Variants in LRP1B observed in about 807,000 individuals in gnomAD.
LRP1B encodes low-density lipoprotein receptor-related protein 1B.
In LRP1B, 217 loss-of-function variants were observed where a neutral mutation model predicts 556.6. The ratio of observed to expected loss-of-function variants is 0.39; its 90% CI spans 0.35 to 0.44. The LOEUF (loss-of-function observed/expected upper bound fraction) is 0.44. LRP1B is among the 20% of genes least tolerant of loss of function. The pLI is 1.00. For missense variants in LRP1B, 5,053 were observed against 5,620.8 expected (o/e 0.90, Z 3.23); for synonymous variants, 2,047 against 1,865.8 (o/e 1.10, Z -2.50).
intron 1 of LRP1B, among the ~76,000 whole-genome samples, chr2:141,837,598 T>C (rs1697329668): frequency 6.6e-6 from 1 of 152,076 alleles, no homozygotes; most frequent in Non-Finnish European, 1.5e-5. Flanking sequence ...TTTGTAGTCA[T>C]AAACTGAATA....
chr2:140,928,560 C>A (rs1246931587), intron 20 of LRP1B, among the ~76,000 whole-genome samples: 1 of 152,088 alleles, frequency 6.6e-6, no homozygotes, highest in African/African-American at 2.4e-5. Context: ...TTTCTGATCA[C>A]AATTCATTGA....
At chr2:140,290,497 T>C (rs982553659) in intron 84 of LRP1B, among the ~76,000 whole-genome samples, 11 of 152,078 alleles carry the variant, frequency 7.2e-5, no homozygotes, top group Non-Finnish European at 1.5e-4. Context: ...GTGTGAATGT[T>C]GTAAAGAATC....
intron 8 of LRP1B, 28 bp downstream of exon 8, chr2:141,062,023 G>A (rs1558833835): frequency 6.4e-7 from 1 of 1,569,506 alleles, no homozygotes; most frequent in South Asian, 1.1e-5. Context: ...ATTACCCTAG[G>A]AGCGTTGTCT....
At chr2:141,546,880 A>G (rs1002984763) in intron 2 of LRP1B, among the ~76,000 whole-genome samples, 7 of 152,028 alleles carry the variant, frequency 4.6e-5, no homozygotes, top group African/African-American at 1.7e-4. Context: ...TGTTTCTTTC[A>G]CTGGCTTGTT....
intron 58 of LRP1B, among the ~76,000 whole-genome samples, chr2:140,486,015 T>C (rs1409124567): frequency 6.6e-6 from 1 of 152,044 alleles, no homozygotes; most frequent in African/African-American, 2.4e-5. Context: ...ATAGGCATTA[T>C]TTTGAACCTA....
chr2:142,008,122 A>G (rs1702853091), intron 1 of LRP1B, among the ~76,000 whole-genome samples: 1 of 152,196 alleles, frequency 6.6e-6, no homozygotes, highest in Admixed American at 6.5e-5. Flanking sequence ...CTAGGGCTTT[A>G]ATGCCACTAC....
intron 18 of LRP1B, among the ~76,000 whole-genome samples, chr2:140,977,203 G>A (rs1346642): frequency 0.51 from 78,257 of 151,990 alleles, 22,595 homozygotes; most frequent in Non-Finnish European, 0.64. Flanking sequence ...GGTCTTTGCC[G>A]TGCTGTTCTC....
intron 2 of LRP1B, among the ~76,000 whole-genome samples, chr2:141,771,882 G>A (rs150966897): frequency 0.036 from 5,480 of 152,106 alleles, 321 homozygotes; most frequent in African/African-American, 0.12. Context: ...GCAGTGGTGC[G>A]TTCTCGGCTC....
At chr2:140,952,108 A>G (rs1695734148) in intron 18 of LRP1B, among the ~76,000 whole-genome samples, 168 bp from the exon 19 acceptor site, 1 of 152,196 alleles carries the variant, frequency 6.6e-6, no homozygotes, top group Admixed American at 6.5e-5. Context: ...AGGACATAGG[A>G]CACACATACT....
chr2:141,718,408 G>T (rs1380592619), intron 2 of LRP1B, among the ~76,000 whole-genome samples: 1 of 152,110 alleles, frequency 6.6e-6, no homozygotes, highest in Non-Finnish European at 1.5e-5. Context: ...TTTTAAAAAG[G>T]ATGCTTTTGT....
At chr2:140,750,385 C>G (rs1372845216) in intron 35 of LRP1B, among the ~76,000 whole-genome samples, 1 of 152,102 alleles carries the variant, frequency 6.6e-6, no homozygotes, top group African/African-American at 2.4e-5. Flanking sequence ...TTTGTCCATT[C>G]TTATTTCAAG....
intron 15 of LRP1B, among the ~76,000 whole-genome samples, chr2:141,003,242 T>A (rs760845193): frequency 6.6e-6 from 1 of 152,082 alleles, no homozygotes; most frequent in Non-Finnish European, 1.5e-5. Context: ...AAATTATGTT[T>A]ACAAAGATAT....
At chr2:141,366,827 G>A (rs545588909) in intron 3 of LRP1B, among the ~76,000 whole-genome samples, 1 of 152,120 alleles carries the variant, frequency 6.6e-6, no homozygotes. Flanking sequence ...AGGTGAAAAC[G>A]CTGGGTCACT....
rs191496102 is a variant in LRP1B at position 140,837,384 on chromosome 2, C to T, written c.5209+2607G>A. On this transcript the variant is annotated intron_variant, in intron 31 of 90. Coordinates refer to ENST00000389484, the MANE Select transcript of LRP1B (RefSeq NM_018557.3). ...CAGGCCTAGTGCAAAATCCGATACT[C>T]AATAAAAATCTATTTATTGAATAAA... Among the ~76,000 whole-genome samples the T allele has an allele frequency of 2.8e-3, 421 of 152,136 alleles. 2 individuals carry two copies. The highest frequency in any genetic ancestry group is 6.7e-3 in the Admixed American group (103 of 15,272).
At chr2:140,809,468 A>G (rs1169239659) in intron 32 of LRP1B, among the ~76,000 whole-genome samples, 1 of 152,114 alleles carries the variant, frequency 6.6e-6, no homozygotes, top group Non-Finnish European at 1.5e-5. Context: ...GCTAGTTCAG[A>G]TATTGCAGCC....
At chr2:140,334,687 A>T (rs1424848425) in intron 78 of LRP1B, 128 bp from the exon 79 acceptor site, 2 of 507,902 alleles carry the variant, frequency 3.9e-6, no homozygotes, top group Non-Finnish European at 7.0e-6. Flanking sequence ...AAAAGAGTCA[A>T]CTCAAAACAC....
chr2:141,773,509 A>G (rs1395166479), intron 2 of LRP1B, among the ~76,000 whole-genome samples: 1 of 152,244 alleles, frequency 6.6e-6, no homozygotes, highest in African/African-American at 2.4e-5. Flanking sequence ...CAAAGTAGCA[A>G]AGGATCAGAG....
chr2:141,161,426 T>G (rs1680028946), intron 7 of LRP1B, among the ~76,000 whole-genome samples: 1 of 152,164 alleles, frequency 6.6e-6, no homozygotes. Flanking sequence ...TGAGGCTACA[T>G]TATTTTAAAA....
intron 2 of LRP1B, among the ~76,000 whole-genome samples, chr2:141,549,487 A>G (rs1685673139): frequency 6.6e-6 from 1 of 152,072 alleles, no homozygotes. Context: ...GCCCCAAAAG[A>G]CTGGTATTTT....
Sources: allele counts gnomAD v4.1 joint callset (sites outside exome capture counted in the v4.1 genomes callset), GRCh38; gene constraint gnomAD v4.1.1; transcripts MANE v1.5; gene names NCBI Gene and HGNC (gene_info 2026-07-23, HGNC 2026-07-21).